FOCAD: variants seen among roughly 807,000 people sequenced by gnomAD.
The protein encoded by FOCAD is KIAA1797.
Under a neutral mutation model 225.6 loss-of-function variants are expected in FOCAD, and 198 were observed. The observed-to-expected ratio is 0.88, with a 90% CI of 0.78 to 0.99. The LOEUF (loss-of-function observed/expected upper bound fraction) is 0.99, where lower values mean the gene tolerates loss of function less well. Ranked by LOEUF, FOCAD falls within the 50% of genes least tolerant of loss-of-function variation. The pLI is 0.00. For synonymous variants in FOCAD, 897 were observed against 755.0 expected (o/e 1.19, Z -3.08); for missense variants, 2,713 against 2,123.6 (o/e 1.28, Z -5.46).
At chr9:20,694,092 A>G (rs1823150225) in intron 1 of FOCAD, among the ~76,000 whole-genome samples, 1 of 152,236 alleles carries the variant, frequency 6.6e-6, no homozygotes, top group Admixed American at 6.5e-5. Context: ...CAAGAAGATT[A>G]TCATGTTCTC....
Position 20,787,091 on chromosome 9 carries a change from CAAACAAAT to C in FOCAD, c.1198-2252_1198-2245del, listed in dbSNP as rs371562979. The C allele has an allele frequency of 2.2e-4, 67 of 302,152 alleles. No homozygotes were observed. The East Asian group carries it at 5.2e-3, about 23-fold the overall frequency. The allele number at this position is 302,152 out of a possible 1,614,324, so 18.7% of individuals were successfully genotyped here. ...CTCTAACCTTAGGCAAACAAACAAA[CAAACAAAT>C]AAACAAACAAACTTAAGAGCCTAAA... is the stretch of plus-strand genomic sequence containing the variant. On this transcript the variant is annotated intron_variant, in intron 10 of 43. Transcript: ENST00000338382.
Position 20,926,330 on chromosome 9 carries a change from G to C in FOCAD, c.2991G>C (p.Glu997Asp). 1 of 1,612,706 alleles carries C rather than the reference G, an allele frequency of 6.2e-7. No homozygotes were observed. Among genetic ancestry groups the C allele is most frequent in the Non-Finnish European group, 8.5e-7 (1 of 1,178,858 alleles). The change falls in exon 26 of 44, where the codon GAG becomes GAC. Residue 997 changes from glutamate to aspartate, a missense_variant. Transcript: ENST00000338382. ...EVQPNFLSMK[E>D]WVSMVLDTLL... ...AACCTAATTTCCTTTCAATGAAAGA[G>C]TGGGTTTCCATGGTACTTGATACAC...
intron 35 of FOCAD, among the ~76,000 whole-genome samples, chr9:20,970,564 C>G (rs1043590774): frequency 6.6e-6 from 1 of 151,974 alleles, no homozygotes; most frequent in Non-Finnish European, 1.5e-5. Context: ...TTGATATTCT[C>G]TTTTTTCTTT....
chr9:20,796,829 A>G (rs1308493060), intron 11 of FOCAD, among the ~76,000 whole-genome samples: 6 of 151,352 alleles, frequency 4.0e-5, no homozygotes, highest in Admixed American at 6.6e-5. Context: ...ATTAGATCCC[A>G]TTTGTCAATT....
intron 4 of FOCAD, among the ~76,000 whole-genome samples, chr9:20,734,330 T>C (rs1434726347): frequency 6.6e-6 from 1 of 152,196 alleles, no homozygotes; most frequent in African/African-American, 2.4e-5. Flanking sequence ...TCCAGGTACA[T>C]GGAATTAGGA....
intron 10 of FOCAD, 61 bp downstream of exon 10, chr9:20,781,990 G>A (rs767297857): frequency 1.1e-5 from 15 of 1,427,016 alleles, no homozygotes; most frequent in South Asian, 3.5e-5. Flanking sequence ...CGGTCTTTAC[G>A]GATAATCTTG....
At chr9:20,721,979 CCTTCCCTCCCT>C (rs1171147437) in intron 4 of FOCAD, among the ~76,000 whole-genome samples, 2 of 21,994 alleles carry the variant, frequency 9.1e-5, no homozygotes, top group Admixed American at 3.2e-4. Flanking sequence ...TTTCTCCCCT[CCTTCCCTCCCT>C]CCCTCCCTCC....
At chr9:20,874,504 T>G (rs897709065) in intron 18 of FOCAD, 177 bp from the exon 19 acceptor site, 3 of 582,128 alleles carry the variant, frequency 5.2e-6, no homozygotes, top group African/African-American at 1.9e-5. Flanking sequence ...TCATGACCAT[T>G]TAGTTAATCT....
At chr9:20,774,547 C>G (rs1172314463) in intron 8 of FOCAD, among the ~76,000 whole-genome samples, 1 of 152,120 alleles carries the variant, frequency 6.6e-6, no homozygotes, top group Non-Finnish European at 1.5e-5. Context: ...AAATGCTGTA[C>G]TCTTTTGCCT....
chr9:20,919,740 G>A (rs9407967), intron 24 of FOCAD, among the ~76,000 whole-genome samples: 53,394 of 151,918 alleles, frequency 0.35, 9,812 homozygotes, highest in East Asian at 0.43. Context: ...AAATGGTGCT[G>A]GGAAAACTGG....
In FOCAD at chr9:20,823,014, T is replaced by C. The variant is rs35852117; in HGVS notation, c.1819T>C (p.Leu607=). 4,503 of 1,606,118 alleles carry C rather than the reference T, an allele frequency of 2.8e-3. 102 individuals carry two copies. In the African/African-American group the frequency reaches 0.047, roughly 17 times the overall value. ...QRPYQHGADM[L]AAISQVLNEC... ...GCCATATCAACATGGTGCAGATATG[T>C]TGGCAGCTATTTCTCAAGTGTTGAA... is the stretch of plus-strand genomic sequence containing the variant. The change falls in exon 15 of 44, where the codon TTG becomes CTG. Residue 607 remains leucine, a synonymous_variant. Coordinates refer to ENST00000338382, the MANE Select transcript of FOCAD (RefSeq NM_001375567.1).
intron 1 of FOCAD, among the ~76,000 whole-genome samples, chr9:20,698,569 T>G (rs549089346): frequency 6.6e-6 from 1 of 152,126 alleles, no homozygotes; most frequent in East Asian, 1.9e-4. Context: ...CCTGGCTAAT[T>G]TTTTATTTTT....
At chr9:20,695,999 A>G (rs1377071847) in intron 1 of FOCAD, among the ~76,000 whole-genome samples, 3 of 152,390 alleles carry the variant, frequency 2.0e-5, no homozygotes, top group East Asian at 1.9e-4. Flanking sequence ...GGACAAAAGT[A>G]AATTGAGCTT....
At chr9:20,961,694 C>G (rs1014566245) in intron 35 of FOCAD, among the ~76,000 whole-genome samples, 5 of 152,130 alleles carry the variant, frequency 3.3e-5, no homozygotes, top group African/African-American at 1.2e-4. Context: ...CAGTAAGAAA[C>G]TTGACTCTCA....
In FOCAD at chr9:20,822,381, C is replaced by T. The variant is rs147819853; in HGVS notation, c.1794-608C>T. On this transcript the variant is annotated intron_variant, in intron 14 of 43. Coordinates refer to ENST00000338382, the MANE Select transcript of FOCAD (RefSeq NM_001375567.1). ...AATTCAGGGAATAGACTTGCATAAC[C>T]ATGAAATTAATGGTATTCTGGGGAT... Among the ~76,000 whole-genome samples the T allele has an allele frequency of 2.5e-3, 373 of 152,016 alleles. 10 individuals carry two copies. The East Asian group carries it at 0.043, about 18-fold the overall frequency.
rs1834944577 is a variant in FOCAD at position 20,926,375 on chromosome 9, C to A, written c.3036C>A (p.Ser1012Arg). The change falls in exon 26 of 44, where the codon AGC becomes AGA. Residue 1012 changes from serine to arginine, a missense_variant. Physicochemically the swap from Ser to Arg is moderately radical, Grantham distance 110. Coordinates refer to ENST00000338382, the MANE Select transcript of FOCAD (RefSeq NM_001375567.1). ...VLDTLLVIVD[S>R]HYQPRGQLLS... ...ATACACTCTTGGTCATTGTGGATAGCCATTACCAACCCAGAGGGCAACTTC... is the reference window on the plus strand; with the variant it reads ...ATACACTCTTGGTCATTGTGGATAGACATTACCAACCCAGAGGGCAACTTC... 6.2e-7 allele frequency: 1 copy of A among 1,613,066 alleles called. No homozygotes were observed. The highest frequency in any genetic ancestry group is 1.7e-5 in the Admixed American group (1 of 59,976).
At chr9:20,790,135 A>G (rs1343046359) in intron 11 of FOCAD, among the ~76,000 whole-genome samples, 3 of 152,218 alleles carry the variant, frequency 2.0e-5, no homozygotes, top group African/African-American at 7.2e-5. Flanking sequence ...ATGAGGGTAA[A>G]CAATTTTTCT....
intron 11 of FOCAD, among the ~76,000 whole-genome samples, chr9:20,803,391 G>C (rs1564010845): frequency 6.6e-6 from 1 of 152,094 alleles, no homozygotes; most frequent in Non-Finnish European, 1.5e-5. Flanking sequence ...TGGATACAGT[G>C]AATTGGTGAC....
chr9:20,702,222 C>T (rs1824015138), intron 1 of FOCAD, among the ~76,000 whole-genome samples: 1 of 152,032 alleles, frequency 6.6e-6, no homozygotes, highest in Non-Finnish European at 1.5e-5. Context: ...CCCACTGCAG[C>T]CTCCTGGGTA....
Sources: gnomAD v4.1 joint callset for allele counts (sites outside exome capture counted in the v4.1 genomes callset) on GRCh38, gnomAD v4.1.1 for gene constraint, MANE v1.5 for transcripts, NCBI Gene and HGNC (gene_info 2026-07-23, HGNC 2026-07-21) for gene names.